Variants in ZNF385D observed in about 807,000 individuals in gnomAD.
ZNF385D encodes the protein zinc finger protein 385D.
Under a neutral mutation model 35.8 loss-of-function variants are expected in ZNF385D, and 15 were observed. The ratio of observed to expected loss-of-function variants is 0.42; its 90% CI spans 0.28 to 0.64. The LOEUF is 0.64. Among genes scored for constraint, ZNF385D ranks in the 30% least tolerant of loss-of-function variants. ZNF385D has a pLI of 0.23. For missense variants in ZNF385D, 474 were observed against 494.6 expected (o/e 0.96, Z 0.39); for synonymous variants, 212 against 186.8 (o/e 1.13, Z -1.10).
At chr3:21,717,652 G>T (rs1052803936) in intron 1 of ZNF385D, among the ~76,000 whole-genome samples, 5 of 152,130 alleles carry the variant, frequency 3.3e-5, no homozygotes, top group Non-Finnish European at 7.4e-5. Context: ...GAATCAGGGG[G>T]GCGGTTTCCC....
At chr3:22,036,877 A>G (rs1161157248) in intron 3 of ZNF385D, among the ~76,000 whole-genome samples, 4 of 83,918 alleles carry the variant, frequency 4.8e-5, no homozygotes, top group African/African-American at 9.5e-5. Flanking sequence ...CCCACCCCAC[A>G]ACAGGCCCCA....
At chr3:22,340,819 T>C (rs562878307) in intron 2 of ZNF385D, among the ~76,000 whole-genome samples, 1 of 152,348 alleles carries the variant, frequency 6.6e-6, no homozygotes, top group East Asian at 1.9e-4. Context: ...ATTCACAGGC[T>C]CACTGCCTTT....
At chr3:21,842,931 T>A (rs183933899) in intron 3 of ZNF385D, among the ~76,000 whole-genome samples, 1 of 152,100 alleles carries the variant, frequency 6.6e-6, no homozygotes, top group Non-Finnish European at 1.5e-5. Context: ...CTTCTGAAAA[T>A]CTATTCTCTT....
chr3:22,301,850 T>C (rs750392391), intron 2 of ZNF385D, among the ~76,000 whole-genome samples: 1 of 152,144 alleles, frequency 6.6e-6, no homozygotes, highest in African/African-American at 2.4e-5. Context: ...TAAAATTATG[T>C]AGACAGTATC....
At chr3:22,142,351 G>C (rs966258714) in intron 3 of ZNF385D, among the ~76,000 whole-genome samples, 1 of 151,966 alleles carries the variant, frequency 6.6e-6, no homozygotes, top group Non-Finnish European at 1.5e-5. Context: ...TGGTTTATTC[G>C]ATATTATCTC....
chr3:22,133,010 G>C (rs1000954307), intron 3 of ZNF385D, among the ~76,000 whole-genome samples: 17 of 152,166 alleles, frequency 1.1e-4, no homozygotes, highest in African/African-American at 4.1e-4. Context: ...GGTTAGACTA[G>C]AAAATTTCTA....
At chr3:22,126,364 C>A (rs1389113695) in intron 3 of ZNF385D, among the ~76,000 whole-genome samples, 6 of 130,962 alleles carry the variant, frequency 4.6e-5, no homozygotes, top group African/African-American at 1.7e-4. Flanking sequence ...TTGCTATTAA[C>A]CTTCCTCTTA....
chr3:22,137,217 T>C (rs1352582702), intron 3 of ZNF385D, among the ~76,000 whole-genome samples: 1 of 152,160 alleles, frequency 6.6e-6, no homozygotes, highest in East Asian at 1.9e-4. Context: ...ACCAGACGGA[T>C]TCACAGCCGA....
At chr3:21,732,341 C>T (rs967089521) in intron 1 of ZNF385D, among the ~76,000 whole-genome samples, 4 of 152,036 alleles carry the variant, frequency 2.6e-5, no homozygotes, top group East Asian at 1.9e-4. Context: ...CGTGAGCCAC[C>T]GTGCCTGGCC....
intron 1 of ZNF385D, among the ~76,000 whole-genome samples, chr3:21,685,426 C>T (rs1314820492): frequency 6.6e-6 from 1 of 152,168 alleles, no homozygotes; most frequent in African/African-American, 2.4e-5. Flanking sequence ...GCAGAAGTGG[C>T]AGACTCGTAA....
chr3:22,226,346 G>C (rs1332112380), intron 2 of ZNF385D, among the ~76,000 whole-genome samples: 2 of 152,036 alleles, frequency 1.3e-5, no homozygotes, highest in African/African-American at 4.8e-5. Flanking sequence ...GTCATAAACA[G>C]ACAATGGGAA....
intron 3 of ZNF385D, among the ~76,000 whole-genome samples, chr3:21,910,084 T>TACACAC (rs112815077): frequency 0.17 from 24,895 of 149,226 alleles, 2,301 homozygotes; most frequent in African/African-American, 0.21. Flanking sequence ...ACATATATTT[T>TACACAC]ACACACACAC....
At chr3:22,013,207 A>G (rs765325215) in intron 3 of ZNF385D, among the ~76,000 whole-genome samples, 1 of 152,162 alleles carries the variant, frequency 6.6e-6, no homozygotes, top group Non-Finnish European at 1.5e-5. Context: ...CAAGATACAT[A>G]AAGTGCAAAC....
At chr3:22,205,498 G>T (rs549874887) in intron 2 of ZNF385D, among the ~76,000 whole-genome samples, 1 of 151,970 alleles carries the variant, frequency 6.6e-6, no homozygotes, top group Admixed American at 6.6e-5. Context: ...TGCAATTGTG[G>T]CATGTAAACT....
chr3:22,244,168 G>A (rs1351195003), intron 2 of ZNF385D, among the ~76,000 whole-genome samples: 2 of 149,612 alleles, frequency 1.3e-5, no homozygotes, highest in African/African-American at 2.5e-5. Flanking sequence ...CTTCTTAAGG[G>A]GATTTAAAAA....
At chr3:21,698,697 C>T (rs11129015) in intron 1 of ZNF385D, among the ~76,000 whole-genome samples, 1 of 151,684 alleles carries the variant, frequency 6.6e-6, no homozygotes, top group Admixed American at 6.6e-5. Context: ...ACTGACACTT[C>T]TCAAAAGAAG....
At position 22,372,385 on chromosome 3, in the gene ZNF385D, C is replaced by T. The variant is rs924766904; in HGVS notation, c.106+65G>A. Reference sequence around the variant, plus strand: ...TCCCGCAGGGGCGCAACCCTAGCTCCTTGCCCGGCGCCCCAACGAACTCCG... The same window carrying T: ...TCCCGCAGGGGCGCAACCCTAGCTCTTTGCCCGGCGCCCCAACGAACTCCG... On this transcript the variant is annotated intron_variant, in intron 2 of 5. Transcript: ENST00000494108. 4 of 957,486 alleles carry T rather than the reference C, an allele frequency of 4.2e-6. No homozygotes were observed. In the East Asian group the frequency reaches 4.6e-4, roughly 110 times the overall value. The allele number at this position is 957,486 out of a possible 1,614,324, so 59.3% of individuals were successfully genotyped here. A position where few individuals can be genotyped will look rare whatever the true frequency, so the allele number is the denominator to read the frequency against.
intron 3 of ZNF385D, among the ~76,000 whole-genome samples, chr3:21,996,141 C>T (rs373599556): frequency 7.9e-5 from 12 of 152,056 alleles, no homozygotes; most frequent in South Asian, 2.1e-4. Context: ...TGGGACTCAG[C>T]GTGTGTATGG....
chr3:21,772,109 G>A (rs144022161), intron 3 of ZNF385D, among the ~76,000 whole-genome samples: 1,869 of 151,958 alleles, frequency 0.012, 37 homozygotes, highest in African/African-American at 0.042. Context: ...ATATAAGAAC[G>A]AGAAATATAA....
Sources: gnomAD v4.1 joint callset for allele counts (sites outside exome capture counted in the v4.1 genomes callset) on GRCh38, gnomAD v4.1.1 for gene constraint, MANE v1.5 for transcripts, NCBI Gene and HGNC (gene_info 2026-07-23, HGNC 2026-07-21) for gene names.